The following AKAP13 variants were observed in gnomAD, a reference collection of about 807,000 sequenced individuals.
The protein encoded by AKAP13 is A-kinase anchor protein 13.
In AKAP13, 80 loss-of-function variants were observed where a neutral mutation model predicts 264.5. The ratio of observed to expected loss-of-function variants is 0.30; its 90% confidence interval spans 0.25 to 0.36. The LOEUF (loss-of-function observed/expected upper bound fraction) is 0.36. Ranked by LOEUF, AKAP13 falls within the 10% of genes least tolerant of loss-of-function variation. The probability of loss-of-function intolerance (pLI) is 1.00; values close to 1 mark genes in which losing one functional copy is unlikely to be tolerated. For synonymous variants in AKAP13, 1,380 were observed against 1,250.2 expected (o/e 1.10, Z -2.19); for missense variants, 3,712 against 3,435.2 (o/e 1.08, Z -2.01).
rs188815295 is a variant in AKAP13 at position 85,638,069 on chromosome 15, A to G, written c.4162-1305A>G. On this transcript the variant is annotated intron_variant, in intron 8 of 36. Transcript: ENST00000394518. Reference sequence around the variant, plus strand: ...AATTTTTTTGTATTTTTTTTTTAGTAGAGACAGGATTTCACCGTGTTAGCC... The same window carrying G: ...AATTTTTTTGTATTTTTTTTTTAGTGGAGACAGGATTTCACCGTGTTAGCC... 6.3e-3 allele frequency among the ~76,000 whole-genome samples: 950 copies of G among 150,436 alleles called. 10 individuals are homozygous for G. Among genetic ancestry groups the G allele is most frequent in the African/African-American group, 0.022 (893 of 40,810 alleles).
chr15:85,581,737 G>A lies in AKAP13; in HGVS notation c.3669G>A (p.Arg1223=), dbSNP rs11633087. Residue 1223 remains arginine (R), a synonymous_variant, in exon 7 of 37, where the codon AGG becomes AGA. Coordinates refer to ENST00000394518, the MANE Select transcript of AKAP13 (RefSeq NM_007200.5). ...REVMRAPPSG[R]ERSTPSLPCM... The stretch of plus-strand genomic sequence containing the variant: ...TCATGCGAGCCCCGCCTTCAGGCAG[G>A]GAAAGGAGCACTCCCTCTCTACCTT... The A allele has an allele frequency of 0.63, 1,011,850 of 1,613,728 alleles. 318,898 individuals are homozygous for A. Among genetic ancestry groups the A allele is most frequent in the Middle Eastern group, 0.68 (4,140 of 6,062 alleles).
At chr15:85,689,019 G>A (rs145635614) in intron 16 of AKAP13, among the ~76,000 whole-genome samples, 1 of 152,134 alleles carries the variant, frequency 6.6e-6, no homozygotes, top group Admixed American at 6.5e-5. Flanking sequence ...CTATCACACT[G>A]GTTTTCTTTT....
At chr15:85,488,348 T>A (rs11633604) in intron 2 of AKAP13, among the ~76,000 whole-genome samples, 1 of 152,036 alleles carries the variant, frequency 6.6e-6, no homozygotes, top group Non-Finnish European at 1.5e-5. Flanking sequence ...TTGAGGACTC[T>A]TGTGTCTATA....
At chr15:85,466,595 A>G (rs966860926) in intron 1 of AKAP13, among the ~76,000 whole-genome samples, 3 of 152,208 alleles carry the variant, frequency 2.0e-5, no homozygotes, top group African/African-American at 7.2e-5. Flanking sequence ...TCCCAGCACC[A>G]TTTATTAAAT....
rs572494624 is a variant in AKAP13 at position 85,567,471 on chromosome 15, C to T, written c.663-7660C>T. Among the ~76,000 whole-genome samples, 9 of 152,252 alleles carry T rather than the reference C, an allele frequency of 5.9e-5. No homozygotes were observed. In the South Asian group the frequency reaches 1.9e-3, roughly 32 times the overall value. ...GGTGACTGTAGGCTTTTAGTATAAC[C>T]ATCACCTAAATAATGTACCTTGTAC... On this transcript the variant is annotated intron_variant, in intron 5 of 36. Transcript: ENST00000394518.
intron 33 of AKAP13, 30 bp downstream of exon 33, chr15:85,736,164 T>C (rs999645496): frequency 1.3e-6 from 2 of 1,541,194 alleles, no homozygotes; most frequent in African/African-American, 1.4e-5. Context: ...TTTAAGAAAA[T>C]ATGTGTTTGT....
chr15:85,592,206 A>G (rs2079613633), intron 8 of AKAP13, among the ~76,000 whole-genome samples: 1 of 152,088 alleles, frequency 6.6e-6, no homozygotes, highest in African/African-American at 2.4e-5. Flanking sequence ...ATCTTCCTGA[A>G]CTATGTCCTT....
intron 5 of AKAP13, among the ~76,000 whole-genome samples, chr15:85,564,421 A>G (rs1158111711): frequency 6.6e-6 from 1 of 152,212 alleles, no homozygotes; most frequent in African/African-American, 2.4e-5. Context: ...TTCTGTTCCT[A>G]AATATTTCAG....
intron 2 of AKAP13, among the ~76,000 whole-genome samples, chr15:85,509,826 G>C (rs1354406938): frequency 6.6e-6 from 1 of 152,190 alleles, no homozygotes; most frequent in Non-Finnish European, 1.5e-5. Flanking sequence ...TATATCCAGT[G>C]TTTAGAAACT....
intron 3 of AKAP13, among the ~76,000 whole-genome samples, chr15:85,528,848 C>G (rs767066010): frequency 6.6e-6 from 1 of 152,172 alleles, no homozygotes; most frequent in African/African-American, 2.4e-5. Flanking sequence ...GTTTCTCTCT[C>G]TCCTTCCCCT....
chr15:85,463,023 CA>C (rs35565608), intron 1 of AKAP13, among the ~76,000 whole-genome samples: 1,603 of 65,122 alleles, frequency 0.025, 6 homozygotes, highest in Non-Finnish European at 0.033. Context: ...GACTCCGTCT[CA>C]AAAAAAAAAA....
At chr15:85,535,580 A>G (rs2077363139) in intron 4 of AKAP13, 1 of 152,152 alleles carries the variant, frequency 6.6e-6, no homozygotes, top group Non-Finnish European at 1.5e-5. Context: ...CTATTTCTGT[A>G]TTGATACAGG....
At chr15:85,647,571 C>T (rs1035060059) in intron 10 of AKAP13, among the ~76,000 whole-genome samples, 1 of 151,384 alleles carries the variant, frequency 6.6e-6, no homozygotes, top group African/African-American at 2.4e-5. Flanking sequence ...TTTGGAAAGA[C>T]TTATTTAATA....
chr15:85,693,118 TA>T (rs773437752), intron 16 of AKAP13, 158 bp from the exon 17 acceptor site: 4 of 1,310,786 alleles, frequency 3.1e-6, no homozygotes, highest in East Asian at 5.7e-5. Context: ...CGCCTTAATT[TA>T]AAAAAACAAA....
chr15:85,466,468 A>G (rs1013813059), intron 1 of AKAP13, among the ~76,000 whole-genome samples: 2 of 152,150 alleles, frequency 1.3e-5, no homozygotes, highest in African/African-American at 2.4e-5. Context: ...GTTTTCTTCT[A>G]GGGTTTTTAT....
chr15:85,662,243 G>A lies in AKAP13; in HGVS notation c.4800-2320G>A, dbSNP rs1016398087. On this transcript the variant is annotated intron_variant, in intron 12 of 36. Transcript: ENST00000394518. ...TTTTATTATAGCCTTTTTAAAAATT[G>A]TCAGTGTTACATTCCTAAATTTTTT... is the stretch of plus-strand genomic sequence containing the variant. 2.4e-5 allele frequency: 16 copies of A among 676,212 alleles called. No individual in the cohort carries two copies. The South Asian group carries it at 3.1e-4, about 13-fold the overall frequency. 41.9% of individuals were successfully genotyped at this position (676,212 alleles called of 1,614,324 possible). A position where few individuals can be genotyped will look rare whatever the true frequency, so the allele number is the denominator to read the frequency against.
chr15:85,548,387 A>C (rs2077828649), intron 5 of AKAP13, among the ~76,000 whole-genome samples: 1 of 152,222 alleles, frequency 6.6e-6, no homozygotes, highest in Non-Finnish European at 1.5e-5. Flanking sequence ...TTTGTGGAGC[A>C]AATAAAGGTG....
At chr15:85,443,893 G>A (rs1053388558) in intron 1 of AKAP13, among the ~76,000 whole-genome samples, 26 of 152,212 alleles carry the variant, frequency 1.7e-4, no homozygotes, top group Middle Eastern at 3.4e-3. Context: ...TGCCATTGAT[G>A]TGCTCACTTC....
At chr15:85,456,411 A>G (rs988448810) in intron 1 of AKAP13, among the ~76,000 whole-genome samples, 1 of 152,188 alleles carries the variant, frequency 6.6e-6, no homozygotes, top group African/African-American at 2.4e-5. Flanking sequence ...TGCAGTCTCT[A>G]TGGGGACACC....
Sources: allele counts gnomAD v4.1 joint callset (sites outside exome capture counted in the v4.1 genomes callset), GRCh38; gene constraint gnomAD v4.1.1; transcripts MANE v1.5; gene names NCBI Gene and HGNC (gene_info 2026-07-23, HGNC 2026-07-21).